POLA1: variants seen among roughly 807,000 people sequenced by gnomAD.
The protein encoded by POLA1 is DNA polymerase alpha catalytic subunit.
Under a neutral mutation model 124.0 loss-of-function variants are expected in POLA1, and 15 were observed. The ratio of observed to expected loss-of-function variants is 0.12; its 90% confidence interval spans 0.08 to 0.19. POLA1 has a LOEUF of 0.19. POLA1 is among the 10% of genes least tolerant of loss of function. The pLI, the probability that POLA1 is intolerant of heterozygous loss-of-function variation, is 1.00. For synonymous variants in POLA1, 408 were observed against 389.4 expected, an observed-to-expected ratio of 1.05 and a Z score of -0.56; for missense variants, 886 against 1,103.4, an observed-to-expected ratio of 0.80 and a Z score of 2.79.
chrX:24,976,143 A>G (rs1016505075), intron 36 of POLA1, among the ~76,000 whole-genome samples: 1 of 112,409 alleles, frequency 8.9e-6, no homozygotes. Flanking sequence ...ACATTCTGAG[A>G]TAGGAGCTGT....
intron 1 of POLA1, among the ~76,000 whole-genome samples, chrX:24,698,167 C>G (rs1184649364): frequency 9.0e-6 from 1 of 110,955 alleles, no homozygotes; most frequent in Admixed American, 9.7e-5. Flanking sequence ...GTCTCAAACT[C>G]CTGACCTCAG....
At chrX:24,857,365 TA>T (rs1265047287) in intron 34 of POLA1, among the ~76,000 whole-genome samples, 1 of 112,162 alleles carries the variant, frequency 8.9e-6, no homozygotes, top group African/African-American at 3.2e-5. Context: ...TCTTCCATTT[TA>T]TTTTTTTCAA....
rs1202856772 is a variant in POLA1, at chrX:24,717,721, T to C, written c.1050T>C (p.Tyr350=). 2 of 1,206,522 alleles carry C rather than the reference T, an allele frequency of 1.7e-6. No homozygotes were observed. The highest frequency in any genetic ancestry group is 2.2e-5 in the Admixed American group (1 of 45,565). ...GADEEQVFHF[Y]WLDAYEDQYN... ...ATGAGGAACAAGTATTCCACTTTTA[T>C]TGGTTGGATGCTTATGAGGATCAGT... Residue 350 remains tyrosine (Y), a synonymous_variant, in exon 10 of 37, where the codon TAT becomes TAC. Coordinates refer to ENST00000379068, the MANE Select transcript of POLA1 (RefSeq NM_001330360.2).
chrX:24,905,163 C>T (rs760775022), intron 35 of POLA1, among the ~76,000 whole-genome samples: 1 of 109,758 alleles, frequency 9.1e-6, no homozygotes, highest in Admixed American at 9.8e-5. Context: ...TAGTAGTGCA[C>T]AGAGGAGACA....
At chrX:24,802,492 G>A (rs1445830703) in intron 26 of POLA1, among the ~76,000 whole-genome samples, 5 of 111,786 alleles carry the variant, frequency 4.5e-5, no homozygotes, top group African/African-American at 1.6e-4. Flanking sequence ...ACAGGCTCAG[G>A]GGTTTGAATT....
At chrX:24,866,473 A>G (rs1416633480) in intron 34 of POLA1, among the ~76,000 whole-genome samples, 1 of 112,097 alleles carries the variant, frequency 8.9e-6, no homozygotes, top group Non-Finnish European at 1.9e-5. Context: ...CAGTTCAACA[A>G]TCCTTTAACA....
At chrX:24,988,473 C>T (rs2048501505) in intron 36 of POLA1, among the ~76,000 whole-genome samples, 1 of 112,623 alleles carries the variant, frequency 8.9e-6, no homozygotes, top group South Asian at 3.7e-4. Context: ...AATGCATATG[C>T]ATTTTCTTTT....
intron 36 of POLA1, among the ~76,000 whole-genome samples, chrX:24,991,543 C>A (rs2048536057): frequency 8.9e-6 from 1 of 112,371 alleles, no homozygotes; most frequent in Non-Finnish European, 1.9e-5. Flanking sequence ...GTAGTTGGGC[C>A]CCATGGCACC....
chrX:24,948,392 A>G (rs765739715), intron 36 of POLA1, among the ~76,000 whole-genome samples: 9 of 110,287 alleles, frequency 8.2e-5, no homozygotes, highest in Admixed American at 2.9e-4. Flanking sequence ...ACCAACAACT[A>G]CTAAATAAGA....
At chrX:24,835,048 CTTTT>C (rs761260774) in intron 32 of POLA1, among the ~76,000 whole-genome samples, 1 of 97,481 alleles carries the variant, frequency 1.0e-5, no homozygotes. Context: ...TTTGCATTTC[CTTTT>C]TTTTTTTTTT....
intron 36 of POLA1, among the ~76,000 whole-genome samples, chrX:24,950,595 T>C (rs2048023696): frequency 8.9e-6 from 1 of 112,360 alleles, no homozygotes; most frequent in Admixed American, 9.4e-5. Context: ...TATTAAAATA[T>C]TGAATATTTT....
At chrX:24,889,452 C>A (rs1006892262) in intron 35 of POLA1, among the ~76,000 whole-genome samples, 5 of 112,155 alleles carry the variant, frequency 4.5e-5, no homozygotes, top group Non-Finnish European at 9.4e-5. Flanking sequence ...CTTTTCAGAA[C>A]CTATAATATG....
intron 34 of POLA1, among the ~76,000 whole-genome samples, chrX:24,867,928 T>TC (rs2046815261): frequency 8.9e-6 from 1 of 112,071 alleles, no homozygotes; most frequent in Admixed American, 9.4e-5. Flanking sequence ...AGAATGATGA[T>TC]ACCTTGTTAG....
chrX:24,747,924 C>T (rs887395746), intron 24 of POLA1, among the ~76,000 whole-genome samples: 11 of 110,854 alleles, frequency 9.9e-5, no homozygotes, highest in Admixed American at 6.7e-4. Flanking sequence ...TTGGTAGAGA[C>T]GGGGTTTCAC....
At chrX:24,740,653 A>T (rs1054772391) in intron 20 of POLA1, among the ~76,000 whole-genome samples, 1 of 111,111 alleles carries the variant, frequency 9.0e-6, no homozygotes, top group African/African-American at 3.3e-5. Flanking sequence ...TCTTTCCATC[A>T]TTCTCTCTGA....
At chrX:24,963,297 G>C (rs2048188121) in intron 36 of POLA1, among the ~76,000 whole-genome samples, 1 of 111,874 alleles carries the variant, frequency 8.9e-6, no homozygotes, top group African/African-American at 3.2e-5. Flanking sequence ...AATTCATCGT[G>C]ATGAAGAAAG....
At chrX:24,946,889 CAT>C (rs1941336812) in intron 36 of POLA1, among the ~76,000 whole-genome samples, 1 of 111,789 alleles carries the variant, frequency 8.9e-6, no homozygotes, top group Non-Finnish European at 1.9e-5. Context: ...TCAACTGTGT[CAT>C]AAAAAATTTT....
At chrX:24,895,276 T>C (rs1398179410) in intron 35 of POLA1, among the ~76,000 whole-genome samples, 1 of 112,292 alleles carries the variant, frequency 8.9e-6, no homozygotes, top group Non-Finnish European at 1.9e-5. Context: ...GTGAAAGAAA[T>C]CCAGGTTTGG....
Position 24,815,955 on chromosome X carries a change from A to G in POLA1, c.3429+844A>G, listed in dbSNP as rs370265352. Among the ~76,000 whole-genome samples, 4 of 111,610 alleles carry G rather than the reference A, an allele frequency of 3.6e-5. No individual in the cohort carries two copies. In the East Asian group the frequency reaches 1.1e-3, roughly 31 times the overall value. On this transcript the variant is annotated intron_variant, in intron 30 of 36. Transcript: ENST00000379068. ...AAATATATTTTCATTTAACATAAAC[A>G]TTTTCCCACATTTTTATATTACCTT...
Sources: gnomAD v4.1 joint callset for allele counts (sites outside exome capture counted in the v4.1 genomes callset) on GRCh38, gnomAD v4.1.1 for gene constraint, MANE v1.5 for transcripts, NCBI Gene and HGNC (gene_info 2026-07-23, HGNC 2026-07-21) for gene names.